The following PRKG1 variants were observed in gnomAD, a reference collection of about 807,000 sequenced individuals.
The protein encoded by PRKG1 is protein kinase cGMP-dependent 1, also known as cGMP-dependent protein kinase 1.
Under a neutral mutation model 88.1 loss-of-function variants are expected in PRKG1, and 35 were observed. The observed-to-expected ratio is 0.40, with a 90% CI of 0.30 to 0.53. PRKG1 has a LOEUF of 0.53. Among genes scored for constraint, PRKG1 ranks in the 20% least tolerant of loss-of-function variants. The probability of loss-of-function intolerance (pLI) is 0.59; values close to 1 mark genes in which losing one functional copy is unlikely to be tolerated. For missense variants in PRKG1, 540 were observed against 839.8 expected (o/e 0.64, Z 4.41); for synonymous variants, 303 against 292.5 (o/e 1.04, Z -0.37).
chr10:51,559,901 T>G (rs1837412473), intron 3 of PRKG1, among the ~76,000 whole-genome samples: 1 of 152,130 alleles, frequency 6.6e-6, no homozygotes, highest in South Asian at 2.1e-4. Flanking sequence ...AATTTTATAT[T>G]ATTGATAAAT....
intron 9 of PRKG1, among the ~76,000 whole-genome samples, chr10:52,188,235 TATATAC>T (rs1255784364): frequency 0.057 from 422 of 7,346 alleles, 9 homozygotes; most frequent in African/African-American, 0.097. Context: ...CATATGTATA[TATATAC>T]ATATATATGT....
At chr10:52,113,764 A>G (rs1470784139) in intron 7 of PRKG1, among the ~76,000 whole-genome samples, 1 of 152,156 alleles carries the variant, frequency 6.6e-6, no homozygotes, top group African/African-American at 2.4e-5. Flanking sequence ...AAGATTATTA[A>G]GTGTTTCATT....
At chr10:51,417,602 G>A (rs897110175) in intron 2 of PRKG1, among the ~76,000 whole-genome samples, 8 of 152,254 alleles carry the variant, frequency 5.3e-5, no homozygotes, top group South Asian at 2.1e-4. Context: ...GTGAAAAATT[G>A]TAGAACATAG....
At chr10:51,366,096 A>AT (rs1842584662) in intron 2 of PRKG1, among the ~76,000 whole-genome samples, 2 of 151,714 alleles carry the variant, frequency 1.3e-5, no homozygotes, top group African/African-American at 2.4e-5. Flanking sequence ...GCATGAGGTA[A>AT]TTTTTTTATT....
At chr10:51,829,086 G>A (rs1233611537) in intron 4 of PRKG1, among the ~76,000 whole-genome samples, 3 of 152,156 alleles carry the variant, frequency 2.0e-5, no homozygotes, top group Admixed American at 2.0e-4. Context: ...ACTGGAGAAG[G>A]AGGGTGTGAG....
chr10:52,254,928 A>T (rs530169017), intron 10 of PRKG1, among the ~76,000 whole-genome samples: 1 of 152,078 alleles, frequency 6.6e-6, no homozygotes, highest in African/African-American at 2.4e-5. Flanking sequence ...AGCATAACTG[A>T]CATTCACTTG....
At chr10:51,008,239 T>A (rs1279406687) in intron 1 of PRKG1, among the ~76,000 whole-genome samples, 3 of 152,186 alleles carry the variant, frequency 2.0e-5, no homozygotes, top group Non-Finnish European at 4.4e-5. Flanking sequence ...TAGGTAGGCT[T>A]GGGGAATTTG....
At chr10:51,712,972 A>C (rs1227002803) in intron 3 of PRKG1, among the ~76,000 whole-genome samples, 4 of 110,628 alleles carry the variant, frequency 3.6e-5, no homozygotes, top group Non-Finnish European at 6.1e-5. Flanking sequence ...TAACTCTATG[A>C]GGGTTTTTTT....
At chr10:52,211,547 A>G (rs1029368597) in intron 9 of PRKG1, among the ~76,000 whole-genome samples, 2 of 152,078 alleles carry the variant, frequency 1.3e-5, no homozygotes. Context: ...TGGTACAGTA[A>G]TGATATTTTC....
intron 3 of PRKG1, among the ~76,000 whole-genome samples, chr10:51,603,784 G>A (rs965474021): frequency 6.6e-6 from 1 of 152,166 alleles, no homozygotes; most frequent in Non-Finnish European, 1.5e-5. Context: ...GACCAGGTAA[G>A]GTGATGACAT....
chr10:51,797,115 G>A (rs574815756), intron 3 of PRKG1, among the ~76,000 whole-genome samples: 6 of 151,336 alleles, frequency 4.0e-5, no homozygotes, highest in African/African-American at 1.2e-4. Context: ...GAAGACATGG[G>A]GAATGTCACC....
intron 8 of PRKG1, among the ~76,000 whole-genome samples, chr10:52,159,894 T>A (rs1211927773): frequency 6.6e-6 from 1 of 151,916 alleles, no homozygotes; most frequent in Non-Finnish European, 1.5e-5. Context: ...CTGTTTGGTT[T>A]TCCTACATAA....
intron 3 of PRKG1, among the ~76,000 whole-genome samples, chr10:51,610,375 A>T (rs558945622): frequency 6.6e-6 from 1 of 152,290 alleles, no homozygotes; most frequent in South Asian, 2.1e-4. Context: ...CATATATGTG[A>T]GAACATGCAA....
intron 2 of PRKG1, among the ~76,000 whole-genome samples, chr10:51,301,228 C>A (rs1275078288): frequency 1.3e-5 from 2 of 152,156 alleles, no homozygotes; most frequent in Non-Finnish European, 2.9e-5. Context: ...ATGCTGAGTT[C>A]ATTTTACTGA....
At chr10:51,572,322 C>G (rs1470163253) in intron 3 of PRKG1, among the ~76,000 whole-genome samples, 1 of 151,714 alleles carries the variant, frequency 6.6e-6, no homozygotes, top group Non-Finnish European at 1.5e-5. Flanking sequence ...TAAGAATCAC[C>G]TTACAGAGTA....
intron 3 of PRKG1, among the ~76,000 whole-genome samples, chr10:51,634,558 A>G (rs1196572477): frequency 2.0e-5 from 3 of 152,096 alleles, no homozygotes; most frequent in Non-Finnish European, 4.4e-5. Context: ...TTCTGTAAGG[A>G]ATTGGATAAA....
At chr10:52,013,350 C>T (rs11000458) in intron 5 of PRKG1, among the ~76,000 whole-genome samples, 30,281 of 150,474 alleles carry the variant, frequency 0.2, 3,229 homozygotes, top group East Asian at 0.32. Flanking sequence ...ACCTGGGAGG[C>T]GGAGCTTGCA....
At chr10:51,227,897 G>A (rs1316769619) in intron 2 of PRKG1, among the ~76,000 whole-genome samples, 3 of 152,054 alleles carry the variant, frequency 2.0e-5, no homozygotes, top group East Asian at 3.9e-4. Context: ...TGTGCCAAAC[G>A]ACTGTGGAGG....
intron 3 of PRKG1, among the ~76,000 whole-genome samples, chr10:51,618,041 A>G (rs780977344): frequency 1.1e-4 from 16 of 152,220 alleles, no homozygotes; most frequent in East Asian, 9.6e-4. Context: ...TTGCAATTGT[A>G]TCTGTCCCAA....
Sources: gnomAD v4.1 joint callset for allele counts (sites outside exome capture counted in the v4.1 genomes callset) on GRCh38, gnomAD v4.1.1 for gene constraint, MANE v1.5 for transcripts, NCBI Gene and HGNC (gene_info 2026-07-23, HGNC 2026-07-21) for gene names.